NME9: variants seen among roughly 807,000 people sequenced by gnomAD.
NME9 encodes thioredoxin domain-containing protein 6.
Under a neutral mutation model 44.4 loss-of-function variants are expected in NME9, and 48 were observed. The ratio of observed to expected loss-of-function variants is 1.08; its 90% confidence interval spans 0.86 to 1.37. The LOEUF (loss-of-function observed/expected upper bound fraction) is 1.37. NME9 is among the 40% of genes most tolerant of loss of function. NME9 has a pLI of 0.00. For synonymous variants in NME9, 139 were observed against 147.1 expected (o/e 0.94, Z 0.40); for missense variants, 325 against 405.2 (o/e 0.80, Z 1.70).
At position 138,301,142 on chromosome 3, in the gene NME9, A is replaced by C. The variant is rs538568068; in HGVS notation, c.*498T>G. 1.6e-5 allele frequency: 15 copies of C among 960,310 alleles called. No homozygotes were observed. The South Asian group carries it at 2.9e-4, about 19-fold the overall frequency. The allele number at this position is 960,310 out of a possible 1,614,324, so 59.5% of individuals were successfully genotyped here. On this transcript the variant is annotated 3_prime_UTR_variant, in exon 11 of 11. Coordinates refer to ENST00000333911, the MANE Select transcript of NME9 (RefSeq NM_001349018.2). The stretch of plus-strand genomic sequence containing the variant: ...AAAATCCCAAAGACAGAGAAAAAAA[A>C]CTGCGTTCTACATACTGTTTAATAA...
chr3:138,261,479 C>T (rs964811902), exon 9 of NME9: 1 of 151,986 alleles, frequency 6.6e-6, no homozygotes, highest in African/African-American at 2.4e-5. Flanking sequence ...ATTTATTAGG[C>T]AATCAGAAGT....
intron 8 of NME9, among the ~76,000 whole-genome samples, chr3:138,271,155 C>T: frequency 6.6e-6 from 1 of 152,172 alleles, no homozygotes; most frequent in East Asian, 1.9e-4. Context: ...TAATTATCTT[C>T]TAAGAAAGCA....
intron 6 of NME9, among the ~76,000 whole-genome samples, chr3:138,308,184 T>C (rs1044849296): frequency 2.0e-5 from 3 of 152,228 alleles, no homozygotes; most frequent in African/African-American, 7.2e-5. Flanking sequence ...TCACAATCAC[T>C]GATTTTCTCT....
intron 8 of NME9, among the ~76,000 whole-genome samples, chr3:138,287,422 A>G (rs2050538478): frequency 6.6e-6 from 1 of 152,160 alleles, no homozygotes; most frequent in Non-Finnish European, 1.5e-5. Flanking sequence ...TGTTTTGTGC[A>G]TTCCACCTAA....
Position 138,329,845 on chromosome 3 carries a change from T to C in NME9, c.-510A>G. 1.0e-6 allele frequency: 1 copy of C among 985,934 alleles called. No individual in the cohort carries two copies. The highest frequency in any genetic ancestry group is 1.2e-6 in the Non-Finnish European group (1 of 830,258). 61.1% of individuals were successfully genotyped at this position (985,934 alleles called of 1,614,324 possible). A position where few individuals can be genotyped will look rare whatever the true frequency, so the allele number is the denominator to read the frequency against. ...GTCTGCCGCGACCTAGCCGCGGTCG[T>C]CATGGCAACCTGGCCCCCCCGCCAG... On this transcript the variant is annotated 5_prime_UTR_variant, in exon 1 of 11. Coordinates refer to ENST00000333911, the MANE Select transcript of NME9 (RefSeq NM_001349018.2).
intron 8 of NME9, chr3:138,269,972 T>G (rs2048637512): frequency 9.7e-7 from 1 of 1,026,828 alleles, no homozygotes; most frequent in South Asian, 1.3e-5. Context: ...AGTGCCAAGG[T>G]ATATGCATGT....
intron 8 of NME9, chr3:138,290,744 A>G (rs1331291207): frequency 2.7e-6 from 2 of 733,484 alleles, no homozygotes; most frequent in South Asian, 1.9e-5. Context: ...AAAATCTTTT[A>G]GATTCTTAGA....
exon 9 of NME9, chr3:138,261,901 G>A (rs1038731003): frequency 6.6e-6 from 1 of 152,218 alleles, no homozygotes; most frequent in Non-Finnish European, 1.5e-5. Context: ...AAGATGAGGT[G>A]GGCACAGAGT....
At chr3:138,314,231 A>G in intron 6 of NME9, 101 bp downstream of exon 6, 1 of 617,086 alleles carries the variant, frequency 1.6e-6, no homozygotes, top group Non-Finnish European at 2.8e-6. Flanking sequence ...ATCTTCTCAT[A>G]GTTCAGATTG....
intron 2 of NME9, 24 bp from the exon 3 acceptor site, chr3:138,319,605 A>T (rs1287137110): frequency 7.4e-7 from 1 of 1,349,768 alleles, no homozygotes; most frequent in East Asian, 2.3e-5. Flanking sequence ...AGAAGCAGGA[A>T]CATTCAGTAG....
intron 8 of NME9, chr3:138,263,899 A>T (rs1439187057): frequency 7.9e-7 from 1 of 1,265,078 alleles, no homozygotes; most frequent in Non-Finnish European, 1.2e-6. Context: ...TTCACTGAGT[A>T]AACACAGACT....
chr3:138,261,702 G>A (rs1457626437), exon 9 of NME9: 1 of 152,172 alleles, frequency 6.6e-6, no homozygotes, highest in Non-Finnish European at 1.5e-5. Flanking sequence ...AAACAGGATT[G>A]AAAATGAGAG....
At chr3:138,317,253 C>A (rs1259860470) in intron 4 of NME9, among the ~76,000 whole-genome samples, 1 of 152,242 alleles carries the variant, frequency 6.6e-6, no homozygotes, top group African/African-American at 2.4e-5. Flanking sequence ...AAATCCAAAG[C>A]TCAAATAATG....
At chr3:138,273,226 T>G in intron 8 of NME9, 1 of 1,139,934 alleles carries the variant, frequency 8.8e-7, no homozygotes, top group Non-Finnish European at 1.2e-6. Context: ...GTGATTCAAA[T>G]GCTGCCCCCT....
At chr3:138,287,298 C>A (rs1006172966) in intron 8 of NME9, among the ~76,000 whole-genome samples, 3 of 152,178 alleles carry the variant, frequency 2.0e-5, no homozygotes, top group Non-Finnish European at 4.4e-5. Context: ...TTACTTCAGA[C>A]CTTTTCAGGA....
chr3:138,303,431 C>T (rs2051983444), intron 10 of NME9, 76 bp downstream of exon 10: 1 of 1,190,280 alleles, frequency 8.4e-7, no homozygotes, highest in Non-Finnish European at 1.2e-6. Context: ...ATCAATCCCC[C>T]ACACACTCAA....
intron 8 of NME9, among the ~76,000 whole-genome samples, chr3:138,272,291 C>G (rs772950864): frequency 6.6e-6 from 1 of 152,146 alleles, no homozygotes; most frequent in Non-Finnish European, 1.5e-5. Flanking sequence ...AAATCATTCT[C>G]AAAAGGCATG....
chr3:138,327,971 T>C (rs1256345199), intron 1 of NME9, among the ~76,000 whole-genome samples: 1 of 151,958 alleles, frequency 6.6e-6, no homozygotes, highest in Non-Finnish European at 1.5e-5. Context: ...AGCCAGGAAG[T>C]GTCTAAAGGA....
At chr3:138,296,105 T>G, downstream of NME9, 1 of 502,378 alleles carries the variant, frequency 2.0e-6, no homozygotes, top group Non-Finnish European at 3.5e-6. Flanking sequence ...TGTTTTGTTT[T>G]GGTTTTTTTT....
Sources: allele counts gnomAD v4.1 joint callset (sites outside exome capture counted in the v4.1 genomes callset), GRCh38; gene constraint gnomAD v4.1.1; transcripts MANE v1.5; gene names NCBI Gene and HGNC (gene_info 2026-07-23, HGNC 2026-07-21).